Variants in NLRP8 observed in about 807,000 individuals in gnomAD.
NLRP8 encodes NACHT, LRR and PYD domains-containing protein 8.
Under a neutral mutation model 88.7 loss-of-function variants are expected in NLRP8, and 86 were observed. The observed-to-expected ratio is 0.97, with a 90% CI of 0.81 to 1.16. The LOEUF (loss-of-function observed/expected upper bound fraction) is 1.16. NLRP8 is among the 50% of genes most tolerant of loss of function. The pLI is 0.00. For synonymous variants in NLRP8, 504 were observed against 494.6 expected (o/e 1.02, Z -0.25); for missense variants, 1,342 against 1,286.5 (o/e 1.04, Z -0.66).
At chr19:55,970,846 G>A (rs1316307245) in intron 6 of NLRP8, 150 bp downstream of exon 6, 2 of 962,996 alleles carry the variant, frequency 2.1e-6, no homozygotes, top group Admixed American at 2.5e-5. Context: ...ATATAGATAG[G>A]TCAATAAGGG....
rs761852318 is a variant in NLRP8, at chr19:55,955,433, G to T, written c.1375G>T (p.Ala459Ser). The T allele has an allele frequency of 1.9e-6, 3 of 1,614,208 alleles. No homozygotes were observed. The East Asian group carries it at 6.7e-5, about 36-fold the overall frequency. The change falls in exon 3 of 10, where the codon GCA becomes TCA. Residue 459 changes from alanine (A) to serine (S), a missense_variant. Transcript: ENST00000291971. ...ACTGGAAGGTCTGTGTCACTTGGCC[G>T]CAGACAGCATGTGGCACAGGAAATG...
intron 4 of NLRP8, among the ~76,000 whole-genome samples, chr19:55,963,157 G>T (rs1478655825): frequency 6.6e-6 from 1 of 152,142 alleles, no homozygotes; most frequent in Non-Finnish European, 1.5e-5. Context: ...GGGACTACAG[G>T]AATGCACCAC....
At chr19:55,973,519 G>C (rs1365592746) in intron 6 of NLRP8, 133 bp from the exon 7 acceptor site, 1 of 702,358 alleles carries the variant, frequency 1.4e-6, no homozygotes, top group Non-Finnish European at 2.2e-6. Flanking sequence ...AAGCTTGGAA[G>C]TCCTGAGTGG....
At chr19:55,968,637 G>A (rs571790980) in intron 5 of NLRP8, among the ~76,000 whole-genome samples, 1 of 151,906 alleles carries the variant, frequency 6.6e-6, no homozygotes, top group Non-Finnish European at 1.5e-5. Context: ...CTACTCAGGA[G>A]GCTAAGGCAG....
rs765052017 is a variant in NLRP8, at chr19:55,948,170, G to A, written c.268G>A (p.Glu90Lys). ...GGCAGAGGTGGTTCATCTCTTGATAGAGCGTTTCCCTGGACGACGCGCTTG... is the reference window on the plus strand; with the variant it reads ...GGCAGAGGTGGTTCATCTCTTGATAAAGCGTTTCCCTGGACGACGCGCTTG... Residue 90 changes from glutamate (E) to lysine (K), a missense_variant, in exon 1 of 10, where the codon GAG (glutamate) becomes AAG (lysine). By Grantham distance (56) the Glu-to-Lys change is moderately conservative. Transcript: ENST00000291971. The A allele has an allele frequency of 1.9e-5, 31 of 1,614,034 alleles. No individual in the cohort carries two copies. The highest frequency in any genetic ancestry group is 3.3e-5 in the South Asian group (3 of 91,084).
rs1303672913 is a variant in NLRP8 at position 55,955,242 on chromosome 19, T to A, written c.1184T>A (p.Val395Asp). 1 of 1,614,138 alleles carries A rather than the reference T, an allele frequency of 6.2e-7. No individual in the cohort carries two copies. The highest frequency in any genetic ancestry group is 1.1e-5 in the South Asian group (1 of 91,080). Residue 395 changes from valine to aspartate, a missense_variant, in exon 3 of 10, where the codon GTC (valine) becomes GAC (aspartate). Physicochemically the swap from Val to Asp is radical, Grantham distance 152. Coordinates refer to ENST00000291971, the MANE Select transcript of NLRP8 (RefSeq NM_176811.2). ...ACCATTCTCTTCTCCATGTGCCGGG[T>A]CCCTGTGGTTTGCTGGATGGTCTGC...
chr19:55,964,822 A>G (rs1295065053), intron 4 of NLRP8, among the ~76,000 whole-genome samples: 1 of 152,150 alleles, frequency 6.6e-6, no homozygotes, highest in Non-Finnish European at 1.5e-5. Flanking sequence ...GAATATATGC[A>G]TAGTCCAAAC....
rs532760490 is a variant in NLRP8 at position 55,976,513 on chromosome 19, G to A, written c.2876+210G>A. ...TGGGCAGGACACACACAAATTTTGG[G>A]GCCCCACTTCGGACCTAGGGAACCA... On this transcript the variant is annotated intron_variant, in intron 8 of 9. Transcript: ENST00000291971. 2.6e-5 allele frequency among the ~76,000 whole-genome samples: 4 copies of A among 152,140 alleles called. No homozygotes were observed. In the South Asian group the frequency reaches 8.3e-4, roughly 32 times the overall value.
Position 55,954,565 on chromosome 19 carries a change from T to A in NLRP8, c.507T>A (p.Thr169=), listed in dbSNP as rs1234756014. 2 of 1,614,190 alleles carry A rather than the reference T, an allele frequency of 1.2e-6. No homozygotes were observed. The highest frequency in any genetic ancestry group is 3.3e-5 in the Admixed American group (2 of 60,016). Residue 169 remains threonine, a synonymous_variant, in exon 3 of 10, where the codon ACT becomes ACA. Transcript: ENST00000291971. ...TTTTCCCCATATGGGACATTACGAC[T>A]TGGCCTGGAAACCAGAGGGACTTCT... is the stretch of plus-strand genomic sequence containing the variant.
intron 6 of NLRP8, 40 bp downstream of exon 6, chr19:55,970,736 TGTG>T: frequency 1.2e-6 from 2 of 1,610,314 alleles, no homozygotes; most frequent in Non-Finnish European, 1.7e-6. Context: ...TGGTTGTGGT[TGTG>T]GTGGTTGTTT....
chr19:55,976,939 G>GCCCA (rs1865018975), intron 8 of NLRP8, among the ~76,000 whole-genome samples: 1 of 149,976 alleles, frequency 6.7e-6, no homozygotes, highest in Non-Finnish European at 1.5e-5. Context: ...AATTAGCTGG[G>GCCCA]CGTGGTGGTG....
intron 3 of NLRP8, among the ~76,000 whole-genome samples, chr19:55,959,631 G>A (rs532766775): frequency 3.3e-5 from 5 of 152,258 alleles, no homozygotes; most frequent in African/African-American, 1.2e-4. Flanking sequence ...CCAAACTGAG[G>A]GTCAGGCTGC....
chr19:55,973,951 A>G, intron 7 of NLRP8, 129 bp downstream of exon 7: 4 of 827,888 alleles, frequency 4.8e-6, no homozygotes, highest in Admixed American at 6.1e-5. Flanking sequence ...TGGTGCTAGC[A>G]CTGAGGGGAA....
At chr19:55,981,442 G>A (rs1033949703) in intron 9 of NLRP8, among the ~76,000 whole-genome samples, 1 of 152,126 alleles carries the variant, frequency 6.6e-6, no homozygotes, top group African/African-American at 2.4e-5. Context: ...ATCTACTCCT[G>A]GCTACCAGAA....
At chr19:55,959,271 G>C (rs1016791079) in intron 3 of NLRP8, among the ~76,000 whole-genome samples, 1 of 150,808 alleles carries the variant, frequency 6.6e-6, no homozygotes, top group Admixed American at 6.6e-5. Context: ...GAGTGCAGTT[G>C]CGTGATCTCG....
In NLRP8 at chr19:55,957,708, TATATATATATATATATAA is replaced by T. The variant is rs1396482530; in HGVS notation, c.2042+1610_2042+1627del. On this transcript the variant is annotated intron_variant, in intron 3 of 9. Transcript: ENST00000291971. ...ATATATATATATATATATATATATA[TATATATATATATATATAA>T]AATAAGGTTGTTAAACGTGTTAAAA... is the stretch of plus-strand genomic sequence containing the variant. Among the ~76,000 whole-genome samples, 632 of 105,390 alleles carry T rather than the reference TATATATATATATATATAA, an allele frequency of 6.0e-3. 23 individuals carry two copies. Among genetic ancestry groups the T allele is most frequent in the African/African-American group, 0.02 (506 of 24,732 alleles). 69.1% of individuals were successfully genotyped at this position (105,390 alleles called of 152,430 possible).
At chr19:55,987,686 T>G in intron 9 of NLRP8, 1 of 669,434 alleles carries the variant, frequency 1.5e-6, no homozygotes, top group Non-Finnish European at 2.7e-6. Flanking sequence ...TCAGGACACC[T>G]GGGTAGAAAG....
At chr19:55,983,545 T>C (rs554774053) in intron 9 of NLRP8, among the ~76,000 whole-genome samples, 4 of 147,714 alleles carry the variant, frequency 2.7e-5, no homozygotes, top group Non-Finnish European at 5.9e-5. Context: ...CTGAAACCAG[T>C]AGATGGAGAC....
At chr19:55,964,600 C>G (rs978501842) in intron 4 of NLRP8, among the ~76,000 whole-genome samples, 4 of 151,776 alleles carry the variant, frequency 2.6e-5, no homozygotes, top group African/African-American at 7.3e-5. Context: ...AAAAATATAA[C>G]AATTAGCTTG....
Sources: allele counts gnomAD v4.1 joint callset (sites outside exome capture counted in the v4.1 genomes callset), GRCh38; gene constraint gnomAD v4.1.1; transcripts MANE v1.5; gene names NCBI Gene and HGNC (gene_info 2026-07-23, HGNC 2026-07-21).